Variants in SAMMSON observed in about 807,000 individuals in gnomAD.
The protein encoded by SAMMSON is survival associated mitochondrial melanoma specific oncogenic non-coding RNA, also known as long intergenic non-protein coding RNA 1212.
At chr3:70,350,460 T>C (rs1045161147) in intron 7 of SAMMSON, among the ~76,000 whole-genome samples, 1 of 152,144 alleles carries the variant, frequency 6.6e-6, no homozygotes, top group African/African-American at 2.4e-5. Context: ...TTTCTTGATA[T>C]GTATTTAATA....
chr3:70,017,831 A>G (rs1040212880), intron 3 of SAMMSON, among the ~76,000 whole-genome samples: 19 of 152,096 alleles, frequency 1.2e-4, no homozygotes, highest in Admixed American at 6.5e-4. Flanking sequence ...TTCTTCATCT[A>G]TTGAGATAAT....
At chr3:70,098,853 G>A (rs192279732) in intron 4 of SAMMSON, among the ~76,000 whole-genome samples, 18 of 152,158 alleles carry the variant, frequency 1.2e-4, no homozygotes, top group Admixed American at 3.3e-4. Flanking sequence ...GGCGATTATT[G>A]TTTTCATTTA....
rs1701507152 is a variant in SAMMSON, at chr3:70,226,358, T to C, written n.508-22749T>C. Among the ~76,000 whole-genome samples, 4 of 152,302 alleles carry C rather than the reference T, an allele frequency of 2.6e-5. No individual in the cohort carries two copies. In the South Asian group the frequency reaches 8.3e-4, roughly 32 times the overall value. ...TAACAGAGGCACACACACAGCTTTG[T>C]GGATGCAAAGCCCAGGAATTTCCTA... On this transcript the variant is annotated intron_variant and non_coding_transcript_variant, in intron 4 of 9. Coordinates refer to ENST00000642114, the Ensembl canonical transcript of SAMMSON.
chr3:70,104,180 T>G (rs1205700207), intron 4 of SAMMSON, among the ~76,000 whole-genome samples: 1 of 151,986 alleles, frequency 6.6e-6, no homozygotes, highest in Non-Finnish European at 1.5e-5. Context: ...AATGTGAGAG[T>G]CCAATAAAGT....
At chr3:70,291,671 C>G (rs1702241005) in intron 7 of SAMMSON, among the ~76,000 whole-genome samples, 1 of 152,194 alleles carries the variant, frequency 6.6e-6, no homozygotes, top group South Asian at 2.1e-4. Flanking sequence ...GATTTGCTAG[C>G]TTTTTCCCAC....
intron 3 of SAMMSON, chr3:70,013,888 A>C (rs2066969441): frequency 6.6e-6 from 1 of 152,154 alleles, no homozygotes; most frequent in Non-Finnish European, 1.5e-5. Flanking sequence ...AGGTGTGGCT[A>C]GATCCAACGG....
chr3:70,296,965 A>G (rs1440585433), intron 7 of SAMMSON, among the ~76,000 whole-genome samples: 2 of 151,910 alleles, frequency 1.3e-5, no homozygotes, highest in Non-Finnish European at 2.9e-5. Flanking sequence ...TATTGTCAAT[A>G]TCTGATCTAA....
At chr3:70,211,833 T>A (rs1348558033) in intron 4 of SAMMSON, among the ~76,000 whole-genome samples, 1 of 149,546 alleles carries the variant, frequency 6.7e-6, no homozygotes, top group East Asian at 2.0e-4. Flanking sequence ...CCTTTTTCCT[T>A]TTTCCTTTTC....
chr3:70,094,107 G>A lies in SAMMSON; in HGVS notation n.507+22542G>A, dbSNP rs553045833. ...ATTATATAAAATTCAGATTGTGCAC[G>A]GCTGAAACCTTTGAATCCTCCTTGA... On this transcript the variant is annotated intron_variant and non_coding_transcript_variant, in intron 4 of 9. Transcript: ENST00000642114. 3.3e-5 allele frequency among the ~76,000 whole-genome samples: 5 copies of A among 152,176 alleles called. 1 individual carries two copies. The South Asian group carries it at 6.2e-4, about 19-fold the overall frequency.
chr3:70,143,719 G>C (rs1369804511), intron 4 of SAMMSON, among the ~76,000 whole-genome samples: 1 of 152,126 alleles, frequency 6.6e-6, no homozygotes, highest in Non-Finnish European at 1.5e-5. Context: ...AGTCCTTCAA[G>C]TCAAAGAGTG....
chr3:70,240,922 A>G lies in SAMMSON; in HGVS notation n.508-8185A>G, dbSNP rs2106641317. On this transcript the variant is annotated intron_variant and non_coding_transcript_variant, in intron 4 of 9. Coordinates refer to ENST00000642114, the Ensembl canonical transcript of SAMMSON. ...ATGAAAACACTGAATATTTCTTATA[A>G]AAGTTGATTCATCATTTGATAAATG... Among the ~76,000 whole-genome samples, 3 of 152,312 alleles carry G rather than the reference A, an allele frequency of 2.0e-5. No homozygotes were observed. The East Asian group carries it at 5.8e-4, about 29-fold the overall frequency.
chr3:70,300,233 C>T (rs897113022), intron 7 of SAMMSON, among the ~76,000 whole-genome samples: 4 of 152,064 alleles, frequency 2.6e-5, no homozygotes, highest in African/African-American at 9.7e-5. Flanking sequence ...AAGCCAGAAA[C>T]GCCCTTGCCC....
In SAMMSON at chr3:70,018,615, T is replaced by G. The variant is rs1438218913; in HGVS notation, n.417+4943T>G. On this transcript the variant is annotated intron_variant and non_coding_transcript_variant, in intron 3 of 9. Transcript: ENST00000642114. ...GCTCTGGTTTTAGTTATTTCTTGCCTTCTGCTAGCTTTTGAATGTGTTTGC... is the reference window on the plus strand; with the variant it reads ...GCTCTGGTTTTAGTTATTTCTTGCCGTCTGCTAGCTTTTGAATGTGTTTGC... Among the ~76,000 whole-genome samples, 6 of 152,304 alleles carry G rather than the reference T, an allele frequency of 3.9e-5. No homozygotes were observed. In the East Asian group the frequency reaches 9.6e-4, roughly 24 times the overall value.
At chr3:70,010,881 A>G (rs1036104405) in intron 1 of SAMMSON, among the ~76,000 whole-genome samples, 1 of 152,118 alleles carries the variant, frequency 6.6e-6, no homozygotes, top group Non-Finnish European at 1.5e-5. Flanking sequence ...AGACGCTTAT[A>G]AAACCATAAG....
intron 7 of SAMMSON, among the ~76,000 whole-genome samples, chr3:70,340,249 G>T (rs972408783): frequency 2.1e-4 from 29 of 140,432 alleles, no homozygotes; most frequent in Admixed American, 4.3e-4. Context: ...TCGTGGGTTG[G>T]GGGGAGGGGG....
At chr3:70,304,548 G>T (rs907055219) in intron 7 of SAMMSON, among the ~76,000 whole-genome samples, 2 of 152,074 alleles carry the variant, frequency 1.3e-5, no homozygotes, top group Admixed American at 6.5e-5. Context: ...AAAGCCGGGG[G>T]TCAGCCTTTG....
intron 4 of SAMMSON, among the ~76,000 whole-genome samples, chr3:70,196,445 A>G (rs186397249): frequency 1.3e-5 from 2 of 152,316 alleles, no homozygotes; most frequent in East Asian, 3.9e-4. Context: ...TTTAATTACA[A>G]AATGATGTTA....
intron 8 of SAMMSON, among the ~76,000 whole-genome samples, chr3:70,356,685 C>T (rs534372774): frequency 1.3e-5 from 2 of 151,770 alleles, no homozygotes. Context: ...AATACCTATC[C>T]TTTTTGTTTT....
intron 4 of SAMMSON, among the ~76,000 whole-genome samples, chr3:70,165,791 C>T (rs149675187): frequency 1.8e-4 from 27 of 152,032 alleles, no homozygotes; most frequent in African/African-American, 5.8e-4. Context: ...TCTTATAGGA[C>T]GTGGTGTCAT....
Sources: gnomAD v4.1 joint callset for allele counts (sites outside exome capture counted in the v4.1 genomes callset) on GRCh38, gnomAD v4.1.1 for gene constraint, MANE v1.5 for transcripts, NCBI Gene and HGNC (gene_info 2026-07-23, HGNC 2026-07-21) for gene names.